The following C1GALT1 variants were observed in gnomAD, a reference collection of about 807,000 sequenced individuals.
C1GALT1 encodes core 1 synthase, glycoprotein-N-acetylgalactosamine 3-beta-galactosyltransferase 1.
In C1GALT1, 11 loss-of-function variants were observed where a neutral mutation model predicts 31.0. The ratio of observed to expected loss-of-function variants is 0.36; its 90% CI spans 0.22 to 0.59. The LOEUF (loss-of-function observed/expected upper bound fraction) is 0.59. C1GALT1 is among the 20% of genes least tolerant of loss of function. C1GALT1 has a pLI of 0.79. For missense variants in C1GALT1, 424 were observed against 425.2 expected, an observed-to-expected ratio of 1.00 and a Z score of 0.03; for synonymous variants, 175 against 143.6, an observed-to-expected ratio of 1.22 and a Z score of -1.56.
chr7:7,174,268 A>C (rs1033595658), intron 2 of C1GALT1, among the ~76,000 whole-genome samples: 1 of 152,238 alleles, frequency 6.6e-6, no homozygotes, highest in African/African-American at 2.4e-5. Flanking sequence ...TGAAGGGTAC[A>C]TAAAAGCGCA....
chr7:7,221,767 T>C (rs970673135), intron 1 of C1GALT1, among the ~76,000 whole-genome samples: 24 of 152,246 alleles, frequency 1.6e-4, no homozygotes, highest in Non-Finnish European at 2.9e-4. Flanking sequence ...GGCCTGTGTT[T>C]CCTTCCTGCT....
At chr7:7,240,349 C>T (rs1487937101) in intron 3 of C1GALT1, among the ~76,000 whole-genome samples, 1 of 152,164 alleles carries the variant, frequency 6.6e-6, no homozygotes, top group African/African-American at 2.4e-5. Context: ...AGACCCTGGC[C>T]TAGAACATCT....
chr7:7,238,787 T>C lies in C1GALT1; in HGVS notation c.753T>C (p.Asn251=). The C allele has an allele frequency of 6.2e-7, 1 of 1,613,812 alleles. No individual in the cohort carries two copies. Among genetic ancestry groups the C allele is most frequent in the Non-Finnish European group, 8.5e-7 (1 of 1,179,942 alleles). ...TGGGGAGATGCATGGAAATTATGAA[T>C]GTAGAAGCAGGAGATTCCAGAGATA... ...LALGRCMEIM[N]VEAGDSRDTI... is the part of the protein sequence containing the mutation. Residue 251 remains asparagine (N), a synonymous_variant, in exon 3 of 4, where the codon AAT becomes AAC. Coordinates refer to ENST00000436587, the MANE Select transcript of C1GALT1 (RefSeq NM_020156.5). This position sits in a 1 kb window ranked among gnomAD's most constrained non-coding sequence, Gnocchi z 5.2.
intron 1 of C1GALT1, among the ~76,000 whole-genome samples, chr7:7,228,812 A>G (rs938355620): frequency 6.6e-6 from 1 of 152,168 alleles, no homozygotes; most frequent in African/African-American, 2.4e-5. Flanking sequence ...TAACACCAAG[A>G]AGTCAGTTTT....
At chr7:7,209,058 T>C (rs1448694408) in intron 1 of C1GALT1, among the ~76,000 whole-genome samples, 1 of 152,256 alleles carries the variant, frequency 6.6e-6, no homozygotes, top group Non-Finnish European at 1.5e-5. Flanking sequence ...AAGAATCCTC[T>C]AACTTAATCA....
intron 1 of C1GALT1, among the ~76,000 whole-genome samples, chr7:7,189,077 T>C (rs1359095544): frequency 1.3e-5 from 2 of 152,212 alleles, no homozygotes; most frequent in African/African-American, 4.8e-5. Context: ...CAGTATACCT[T>C]ATTAACAATA....
chr7:7,236,836 T>C (rs1032043137), intron 2 of C1GALT1, among the ~76,000 whole-genome samples: 1 of 152,180 alleles, frequency 6.6e-6, no homozygotes, highest in Admixed American at 6.5e-5. Context: ...GACATGAGAA[T>C]ATTTTTATGT....
At chr7:7,228,953 T>G (rs1782933067) in intron 1 of C1GALT1, among the ~76,000 whole-genome samples, 1 of 151,202 alleles carries the variant, frequency 6.6e-6, no homozygotes, top group African/African-American at 2.4e-5. Context: ...GTAGGCTTGT[T>G]CTGAAGCTCA....
chr7:7,240,841 C>G (rs1020813111), intron 3 of C1GALT1, among the ~76,000 whole-genome samples: 82 of 152,192 alleles, frequency 5.4e-4, no homozygotes, highest in African/African-American at 1.8e-3. Context: ...AGTAAGTTTT[C>G]TTCCCCCTAA....
chr7:7,229,074 C>T (rs1261579101), intron 1 of C1GALT1, among the ~76,000 whole-genome samples: 1 of 152,140 alleles, frequency 6.6e-6, no homozygotes, highest in Non-Finnish European at 1.5e-5. Flanking sequence ...TAGGAATTTT[C>T]TCTGGTCCTG....
chr7:7,185,816 A>C (rs926211418), intron 1 of C1GALT1, among the ~76,000 whole-genome samples: 1 of 152,224 alleles, frequency 6.6e-6, no homozygotes, highest in East Asian at 1.9e-4. Context: ...AACCTGTAAC[A>C]GTTGCACGGT....
At chr7:7,210,436 T>TTTTTG (rs1781943181) in intron 1 of C1GALT1, 1 of 140,692 alleles carries the variant, frequency 7.1e-6, no homozygotes, top group African/African-American at 2.7e-5. Context: ...TTTTTTTTTT[T>TTTTTG]GGTTTTAAGG....
At chr7:7,203,092 GTTT>G (rs35048292) in intron 1 of C1GALT1, among the ~76,000 whole-genome samples, 2 of 137,730 alleles carry the variant, frequency 1.5e-5, no homozygotes, top group African/African-American at 5.3e-5. Context: ...GTTCTAACAG[GTTT>G]TTTTTTTTTT....
At chr7:7,159,463 A>G (rs1444662446) in intron 2 of C1GALT1, among the ~76,000 whole-genome samples, 1 of 152,090 alleles carries the variant, frequency 6.6e-6, no homozygotes, top group African/African-American at 2.4e-5. Flanking sequence ...AGTGGAACAG[A>G]AATAGAAATG....
intron 3 of C1GALT1, among the ~76,000 whole-genome samples, chr7:7,242,360 A>G (rs1233520301): frequency 6.6e-6 from 1 of 151,992 alleles, no homozygotes; most frequent in East Asian, 1.9e-4. Flanking sequence ...GTGCAAGAGT[A>G]GGTTGTCTAA....
chr7:7,191,506 G>A (rs1781070487), intron 1 of C1GALT1, among the ~76,000 whole-genome samples: 1 of 152,086 alleles, frequency 6.6e-6, no homozygotes, highest in African/African-American at 2.4e-5. Context: ...AAGTGGAATT[G>A]CTGGATCATA....
chr7:7,198,709 A>G (rs1781406012), intron 1 of C1GALT1, among the ~76,000 whole-genome samples: 1 of 152,158 alleles, frequency 6.6e-6, no homozygotes, highest in African/African-American at 2.4e-5. Context: ...CCTCAATTTC[A>G]GAACCTGTTA....
intron 1 of C1GALT1, among the ~76,000 whole-genome samples, chr7:7,219,812 C>A (rs536744595): frequency 6.6e-6 from 1 of 151,944 alleles, no homozygotes; most frequent in African/African-American, 2.4e-5. Context: ...ATAACATTGT[C>A]TATAAAATTT....
intron 1 of C1GALT1, among the ~76,000 whole-genome samples, chr7:7,191,344 A>G (rs534968949): frequency 1.2e-4 from 18 of 152,188 alleles, no homozygotes; most frequent in Non-Finnish European, 2.1e-4. Context: ...GCTGAATACT[A>G]TTCCATTGTA....
Sources: gnomAD v4.1 joint callset for allele counts (sites outside exome capture counted in the v4.1 genomes callset) on GRCh38, gnomAD v4.1.1 for gene constraint, Gnocchi (gnomAD v3.1) non-coding constraint, MANE v1.5 for transcripts, NCBI Gene and HGNC (gene_info 2026-07-23, HGNC 2026-07-21) for gene names.